Variants in ZRANB1 observed in about 807,000 individuals in gnomAD.
ZRANB1 encodes the protein ubiquitin thioesterase ZRANB1.
ZRANB1 carries 16 observed loss-of-function variants against 80.5 expected under a neutral mutation model. The observed-to-expected ratio is 0.20, with a 90% confidence interval of 0.13 to 0.30. ZRANB1 has a LOEUF of 0.30. Ranked by LOEUF, ZRANB1 falls within the 10% of genes least tolerant of loss-of-function variation. ZRANB1 has a pLI of 1.00. For missense variants in ZRANB1, 576 were observed against 862.6 expected (o/e 0.67, Z 4.16); for synonymous variants, 291 against 293.1 (o/e 0.99, Z 0.07).
chr10:124,943,146 C>G lies in ZRANB1; in HGVS notation c.653C>G (p.Pro218Arg). 6.2e-7 allele frequency: 1 copy of G among 1,614,226 alleles called. No individual in the cohort carries two copies. The highest frequency in any genetic ancestry group is 8.5e-7 in the Non-Finnish European group (1 of 1,180,040). The change falls in exon 1 of 9, where the codon CCT becomes CGT. Residue 218 changes from proline to arginine, a missense_variant. This residue lies in a region of ZRANB1 where 411 missense variants were observed against 583.1 expected (regional missense o/e 0.70). Transcript: ENST00000359653. ...GGTAATAGCCAAAGGAGATCACCTC[C>G]TGCTACGAAGCGGGACTCTGAAGTG... The part of the protein sequence containing the change: ...SSGNSQRRSP[P>R]ATKRDSEVKM...
chr10:124,972,099 A>T lies in ZRANB1; in HGVS notation c.1137A>T (p.Val379=), dbSNP rs187107162. Residue 379 remains valine (V), a synonymous_variant, in exon 3 of 9, where the codon GTA becomes GTT. Coordinates refer to ENST00000359653, the MANE Select transcript of ZRANB1 (RefSeq NM_017580.3). ...CTTGCTATTTTCTGACTGACCTTGTAACATTTACATTGCCAGCAGGTAACT... is the reference window on the plus strand; with the variant it reads ...CTTGCTATTTTCTGACTGACCTTGTTACATTTACATTGCCAGCAGGTAACT... ...DFACYFLTDL[V]TFTLPADIED... 6.2e-7 allele frequency: 1 copy of T among 1,613,130 alleles called. No individual in the cohort carries two copies. The highest frequency in any genetic ancestry group is 1.7e-5 in the Admixed American group (1 of 59,792).
upstream of ZRANB1, among the ~76,000 whole-genome samples, chr10:124,937,246 C>T (rs1951496044): frequency 1.5e-5 from 2 of 136,490 alleles, no homozygotes; most frequent in South Asian, 4.5e-4. Flanking sequence ...GAGTGCAGTG[C>T]TGCAGTCTCG....
Position 124,983,272 on chromosome 10 carries a change from G to A in ZRANB1, c.1646G>A (p.Arg549Gln), listed in dbSNP as rs1320901271. ...VYGVKYYKSF[R>Q]GETLGYTRFQ... ...GGAGTAAAATATTACAAGAGTTTCC[G>A]GGGAGAAACTTTAGGATATACTCGG... The change falls in exon 7 of 9, where the codon CGG (arginine) becomes CAG (glutamine). Residue 549 changes from arginine to glutamine, a missense_variant. Arg to Gln is a conservative substitution (Grantham distance 43). This residue lies in a region of ZRANB1 where 152 missense variants were observed against 221.9 expected (regional missense o/e 0.69). Coordinates refer to ENST00000359653, the MANE Select transcript of ZRANB1 (RefSeq NM_017580.3). This position sits in a 1 kb window ranked among gnomAD's most constrained non-coding sequence, Gnocchi z 6.2. 4 of 1,613,980 alleles carry A rather than the reference G, an allele frequency of 2.5e-6. No individual in the cohort carries two copies. The highest frequency in any genetic ancestry group is 1.7e-5 in the Admixed American group (1 of 59,970).
chr10:124,965,020 C>T (rs1467835924), intron 1 of ZRANB1, among the ~76,000 whole-genome samples: 4 of 152,186 alleles, frequency 2.6e-5, no homozygotes, highest in Admixed American at 1.3e-4. Context: ...GAAAACTCTT[C>T]GATCATAGAG....
chr10:124,927,764 C>T, the ZRANB1 span, among the ~76,000 whole-genome samples: 4 of 152,152 alleles, frequency 2.6e-5, no homozygotes, highest in Admixed American at 6.5e-5. Flanking sequence ...AGGCCTGGCG[C>T]GGTGGGTCAT....
intron 1 of ZRANB1, among the ~76,000 whole-genome samples, chr10:124,963,148 C>G (rs1951747412): frequency 6.6e-6 from 1 of 151,734 alleles, no homozygotes. Flanking sequence ...CGCCAGTAGT[C>G]CCAGCTGCTC....
the ZRANB1 span, among the ~76,000 whole-genome samples, chr10:124,931,496 C>T: frequency 6.6e-6 from 1 of 151,984 alleles, no homozygotes; most frequent in Non-Finnish European, 1.5e-5. Flanking sequence ...TCAGCCTCCC[C>T]AGTAGCTGGG....
chr10:124,971,926 GATACATGA>G (rs779440426), intron 2 of ZRANB1, 31 bp from the exon 3 acceptor site: 1 of 1,507,114 alleles, frequency 6.6e-7, no homozygotes, highest in South Asian at 1.4e-5. Context: ...TTCCACTTAT[GATACATGA>G]GATGAGAGGA....
upstream of ZRANB1, among the ~76,000 whole-genome samples, chr10:124,937,506 A>C (rs1366352086): frequency 6.6e-6 from 1 of 151,970 alleles, no homozygotes; most frequent in Non-Finnish European, 1.5e-5. Flanking sequence ...TCATTTCTTC[A>C]GTTCTCTATG....
In ZRANB1 at chr10:124,951,390, T is replaced by C. The variant is rs114026456; in HGVS notation, c.814+8083T>C. On this transcript the variant is annotated intron_variant, in intron 1 of 8. Transcript: ENST00000359653. ...TTATATTCCTTTGAACTGGAATGAT[T>C]TTAAAGTGATTTATATTACCAAGAA... is the stretch of plus-strand genomic sequence containing the variant. Among the ~76,000 whole-genome samples the C allele has an allele frequency of 3.8e-3, 579 of 152,328 alleles. 2 individuals are homozygous for C. The highest frequency in any genetic ancestry group is 0.013 in the African/African-American group (543 of 41,570).
intron 1 of ZRANB1, among the ~76,000 whole-genome samples, chr10:124,956,092 C>G (rs1327578140): frequency 6.6e-6 from 1 of 152,090 alleles, no homozygotes; most frequent in Non-Finnish European, 1.5e-5. Flanking sequence ...AGTAATGTGC[C>G]TTTTTATGCT....
At chr10:124,954,986 G>A (rs991632377) in intron 1 of ZRANB1, among the ~76,000 whole-genome samples, 204 of 150,808 alleles carry the variant, frequency 1.4e-3, no homozygotes, top group African/African-American at 4.6e-3. Context: ...AAAATTAGCC[G>A]GGCGTGGTGG....
At chr10:124,953,545 T>C (rs1221125903) in intron 1 of ZRANB1, among the ~76,000 whole-genome samples, 1 of 152,230 alleles carries the variant, frequency 6.6e-6, no homozygotes, top group African/African-American at 2.4e-5. Flanking sequence ...GGTAATCTGC[T>C]ACTTGCTAAT....
chr10:124,970,858 G>GTTTTTTTTTTTTTT (rs35185701), intron 2 of ZRANB1, among the ~76,000 whole-genome samples: 1 of 20,386 alleles, frequency 4.9e-5, no homozygotes. Flanking sequence ...TTTTTTTTTT[G>GTTTTTTTTTTTTTT]GCAGAGTCTC....
At chr10:124,971,278 A>T (rs1362690524) in intron 2 of ZRANB1, among the ~76,000 whole-genome samples, 1 of 152,232 alleles carries the variant, frequency 6.6e-6, no homozygotes, top group East Asian at 1.9e-4. Flanking sequence ...TAAAAAGAAT[A>T]AAAAAATAAC....
chr10:124,954,141 T>G (rs1338062913), intron 1 of ZRANB1, among the ~76,000 whole-genome samples: 1 of 23,812 alleles, frequency 4.2e-5, no homozygotes, highest in Non-Finnish European at 1.1e-4. Context: ...CTAATTCCTG[T>G]TTTTTTTTTT....
the ZRANB1 span, among the ~76,000 whole-genome samples, chr10:124,920,095 G>A: frequency 1.1e-4 from 16 of 151,586 alleles, no homozygotes; most frequent in African/African-American, 3.4e-4. Context: ...GCTAATTTTT[G>A]TATTTTTAGT....
chr10:124,938,210 T>C (rs958175596), upstream of ZRANB1, among the ~76,000 whole-genome samples: 2 of 152,272 alleles, frequency 1.3e-5, no homozygotes, highest in Non-Finnish European at 2.9e-5. Context: ...AAAAGTGTAC[T>C]CTGTTAATTT....
chr10:124,943,549 A>G (rs1396326851), intron 1 of ZRANB1, among the ~76,000 whole-genome samples: 14 of 149,252 alleles, frequency 9.4e-5, no homozygotes, highest in Non-Finnish European at 1.9e-4. Flanking sequence ...GTGTGTGTAT[A>G]TATATATGCG....
Sources: allele counts gnomAD v4.1 joint callset (sites outside exome capture counted in the v4.1 genomes callset), GRCh38; gene constraint gnomAD v4.1.1; regional missense constraint gnomAD v4.1.1; non-coding constraint Gnocchi (gnomAD v3.1); transcripts MANE v1.5; gene names NCBI Gene and HGNC (gene_info 2026-07-23, HGNC 2026-07-21).